The following RAD51B variants were observed in gnomAD, a reference collection of about 807,000 sequenced individuals.
RAD51B encodes DNA repair protein RAD51 homolog 2.
RAD51B carries 38 observed loss-of-function variants against 42.2 expected under a neutral mutation model. The observed-to-expected ratio is 0.90, with a 90% CI of 0.70 to 1.18. The LOEUF (loss-of-function observed/expected upper bound fraction) is 1.18, where lower values mean the gene tolerates loss of function less well. Among genes scored for constraint, RAD51B ranks in the 50% most tolerant of loss-of-function variants. RAD51B has a pLI of 0.00. For synonymous variants in RAD51B, 154 were observed against 145.2 expected (o/e 1.06, Z -0.43); for missense variants, 373 against 400.7 (o/e 0.93, Z 0.59).
chr14:67,956,384 G>T (rs993899815), intron 7 of RAD51B, among the ~76,000 whole-genome samples: 1 of 152,058 alleles, frequency 6.6e-6, no homozygotes, highest in African/African-American at 2.4e-5. Context: ...CTTCTTGAGT[G>T]GCTCAGGCAG....
intron 7 of RAD51B, among the ~76,000 whole-genome samples, chr14:67,909,549 A>T (rs1044409917): frequency 6.6e-6 from 1 of 152,266 alleles, no homozygotes; most frequent in Non-Finnish European, 1.5e-5. Flanking sequence ...GTAAAAATTT[A>T]TAAGAAGCCT....
intron 7 of RAD51B, among the ~76,000 whole-genome samples, chr14:68,173,696 G>A (rs1191455475): frequency 1.3e-5 from 2 of 152,198 alleles, no homozygotes; most frequent in Non-Finnish European, 2.9e-5. Flanking sequence ...TATTGAAGCA[G>A]CAGCAGACTA....
chr14:68,552,693 T>C (rs896715957), intron 10 of RAD51B, among the ~76,000 whole-genome samples: 3 of 152,084 alleles, frequency 2.0e-5, no homozygotes, highest in Non-Finnish European at 2.9e-5. Context: ...ACCTGTCCCA[T>C]GATGGAAAAA....
chr14:68,273,219 C>T (rs1430624123), intron 7 of RAD51B, among the ~76,000 whole-genome samples: 1 of 152,034 alleles, frequency 6.6e-6, no homozygotes, highest in Non-Finnish European at 1.5e-5. Flanking sequence ...GATGAGGACA[C>T]TAAGGTTAGG....
intron 7 of RAD51B, among the ~76,000 whole-genome samples, chr14:68,050,944 A>G (rs1289245724): frequency 6.6e-6 from 1 of 151,780 alleles, no homozygotes; most frequent in African/African-American, 2.4e-5. Flanking sequence ...AACATTTTAT[A>G]TCCAACTCCA....
At chr14:68,348,274 G>C (rs1166641255) in intron 8 of RAD51B, among the ~76,000 whole-genome samples, 1 of 152,200 alleles carries the variant, frequency 6.6e-6, no homozygotes, top group Non-Finnish European at 1.5e-5. Flanking sequence ...TCTTAGGCCT[G>C]CCTTGGTAGC....
At chr14:68,498,284 G>C (rs757354519) in intron 10 of RAD51B, among the ~76,000 whole-genome samples, 2 of 152,224 alleles carry the variant, frequency 1.3e-5, no homozygotes, top group Non-Finnish European at 2.9e-5. Flanking sequence ...GAGAGAAAGT[G>C]GACCCTCAGC....
chr14:68,356,481 A>T (rs1482405396), intron 8 of RAD51B, among the ~76,000 whole-genome samples: 1 of 152,032 alleles, frequency 6.6e-6, no homozygotes, highest in East Asian at 1.9e-4. Context: ...TACTCTATTA[A>T]AAGTGCAATA....
intron 7 of RAD51B, among the ~76,000 whole-genome samples, chr14:67,914,482 A>T (rs2044087939): frequency 6.6e-6 from 1 of 152,162 alleles, no homozygotes; most frequent in Non-Finnish European, 1.5e-5. Flanking sequence ...TCATCTGCTG[A>T]TGGATACTTA....
chr14:67,921,204 G>A (rs1422810734), intron 7 of RAD51B, among the ~76,000 whole-genome samples: 2 of 152,096 alleles, frequency 1.3e-5, no homozygotes, highest in Non-Finnish European at 2.9e-5. Context: ...CTAGGAATCC[G>A]TATTTTGTTA....
At chr14:68,087,148 A>AAGAG (rs570721522) in intron 7 of RAD51B, among the ~76,000 whole-genome samples, 1 of 151,604 alleles carries the variant, frequency 6.6e-6, no homozygotes, top group African/African-American at 2.4e-5. Flanking sequence ...AAAAAAAAAA[A>AAGAG]AGAGAGAGAG....
At chr14:67,969,093 C>T (rs113599586) in intron 7 of RAD51B, among the ~76,000 whole-genome samples, 27,029 of 152,046 alleles carry the variant, frequency 0.18, 2,611 homozygotes, top group Middle Eastern at 0.36. Context: ...TTCACTATCA[C>T]GAGAACAGTA....
intron 8 of RAD51B, among the ~76,000 whole-genome samples, chr14:68,331,721 G>T (rs2082356057): frequency 6.6e-6 from 1 of 152,136 alleles, no homozygotes; most frequent in Admixed American, 6.5e-5. Context: ...TTATCCAGGA[G>T]GGTTTCCAGC....
chr14:67,861,389 A>G (rs938870801), intron 4 of RAD51B, among the ~76,000 whole-genome samples: 1 of 152,042 alleles, frequency 6.6e-6, no homozygotes, highest in Non-Finnish European at 1.5e-5. Context: ...CTGTAATCTC[A>G]GCACTTTGAG....
chr14:68,070,407 T>G (rs2076722607), intron 7 of RAD51B, among the ~76,000 whole-genome samples: 1 of 152,174 alleles, frequency 6.6e-6, no homozygotes, highest in Admixed American at 6.5e-5. Context: ...TCTTTATACT[T>G]TTAGGTTTTA....
intron 8 of RAD51B, among the ~76,000 whole-genome samples, chr14:68,383,279 C>A (rs1594757931): frequency 6.6e-6 from 1 of 152,142 alleles, no homozygotes; most frequent in South Asian, 2.1e-4. Flanking sequence ...ACCAGTGTAC[C>A]AGTTGTTCTC....
chr14:68,441,844 G>A (rs569171925), intron 9 of RAD51B, among the ~76,000 whole-genome samples: 2 of 152,254 alleles, frequency 1.3e-5, no homozygotes, highest in African/African-American at 4.8e-5. Context: ...TTATACAGTG[G>A]GAAAAGTCTC....
chr14:68,205,156 A>C (rs977436013), intron 7 of RAD51B, among the ~76,000 whole-genome samples: 5 of 152,144 alleles, frequency 3.3e-5, no homozygotes, highest in African/African-American at 4.8e-5. Context: ...TTCACTATTC[A>C]ATTTTTTTAA....
intron 10 of RAD51B, among the ~76,000 whole-genome samples, chr14:68,489,098 C>T (rs1034621489): frequency 1.3e-4 from 19 of 151,936 alleles, no homozygotes; most frequent in East Asian, 7.7e-4. Context: ...GGATTACAGG[C>T]GCACGCCACC....
Sources: allele counts gnomAD v4.1 joint callset (sites outside exome capture counted in the v4.1 genomes callset), GRCh38; gene constraint gnomAD v4.1.1; transcripts MANE v1.5; gene names NCBI Gene and HGNC (gene_info 2026-07-23, HGNC 2026-07-21).